The following ADGRL3 variants were observed in gnomAD, a reference collection of about 807,000 sequenced individuals.
The protein encoded by ADGRL3 is adhesion G protein-coupled receptor L3, also known as calcium-independent alpha-latrotoxin receptor 3.
In ADGRL3, 62 loss-of-function variants were observed where a neutral mutation model predicts 153.5. The ratio of observed to expected loss-of-function variants is 0.40; its 90% CI spans 0.33 to 0.50. ADGRL3 has a LOEUF of 0.50. ADGRL3 is among the 20% of genes least tolerant of loss of function. The pLI, the probability that ADGRL3 is intolerant of heterozygous loss-of-function variation, is 0.47. For missense variants in ADGRL3, 1,641 were observed against 1,859.4 expected (o/e 0.88, Z 2.16); for synonymous variants, 710 against 672.5 (o/e 1.06, Z -0.86).
intron 17 of ADGRL3, among the ~76,000 whole-genome samples, chr4:61,953,425 C>T (rs111941105): frequency 6.6e-6 from 1 of 152,288 alleles, no homozygotes; most frequent in African/African-American, 2.4e-5. Flanking sequence ...CATATGTGTT[C>T]AGTCAACATT....
chr4:62,058,944 A>T (rs917130375), intron 25 of ADGRL3, among the ~76,000 whole-genome samples: 3 of 152,156 alleles, frequency 2.0e-5, no homozygotes, highest in African/African-American at 7.2e-5. Flanking sequence ...AGCTACAGAG[A>T]AAAGACAAAA....
chr4:61,991,129 C>T (rs930005274), intron 19 of ADGRL3, among the ~76,000 whole-genome samples: 2 of 151,848 alleles, frequency 1.3e-5, no homozygotes, highest in African/African-American at 4.8e-5. Flanking sequence ...CTTATTATTA[C>T]TGGTACTATT....
intron 8 of ADGRL3, among the ~76,000 whole-genome samples, chr4:61,745,158 T>G (rs1053440047): frequency 4.6e-5 from 7 of 151,754 alleles, no homozygotes; most frequent in Non-Finnish European, 8.8e-5. Context: ...GAAGGGAAGT[T>G]TAGAGAAAAA....
intron 13 of ADGRL3, among the ~76,000 whole-genome samples, chr4:61,933,161 T>A (rs2098824706): frequency 1.3e-5 from 2 of 152,136 alleles, no homozygotes; most frequent in African/African-American, 4.8e-5. Context: ...ATGTGGGATT[T>A]TCAGAGCATT....
At chr4:61,754,608 A>G (rs1306849664) in intron 8 of ADGRL3, among the ~76,000 whole-genome samples, 2 of 147,858 alleles carry the variant, frequency 1.4e-5, no homozygotes, top group East Asian at 4.0e-4. Flanking sequence ...ATCTGAGTGT[A>G]TATATATATA....
In ADGRL3 at chr4:61,708,989, T is replaced by C. The variant is rs74599090; in HGVS notation, c.584-21633T>C. On this transcript the variant is annotated intron_variant, in intron 6 of 26. Transcript: ENST00000683033. Reference sequence around the variant, plus strand: ...CATGCCCGGCTGATTTCTGTATTTTTAGTAGAGACAATGTCTCACCATGTT... The same window carrying C: ...CATGCCCGGCTGATTTCTGTATTTTCAGTAGAGACAATGTCTCACCATGTT... 9.4e-3 allele frequency among the ~76,000 whole-genome samples: 1,426 copies of C among 152,014 alleles called. 30 individuals are homozygous for C. The highest frequency in any genetic ancestry group is 0.032 in the African/African-American group (1,334 of 41,450).
chr4:61,874,789 C>CTTTTTTTTTTT (rs11432355), intron 9 of ADGRL3, among the ~76,000 whole-genome samples: 8 of 61,518 alleles, frequency 1.3e-4, no homozygotes, highest in South Asian at 7.1e-4. Flanking sequence ...TCAAAATGCT[C>CTTTTTTTTTTT]TTTTTTTTTT....
intron 5 of ADGRL3, among the ~76,000 whole-genome samples, chr4:61,594,806 A>G (rs1342493564): frequency 1.3e-5 from 2 of 152,108 alleles, no homozygotes; most frequent in Non-Finnish European, 2.9e-5. Flanking sequence ...GCTGTCTGGG[A>G]GCCAAGGACT....
intron 6 of ADGRL3, among the ~76,000 whole-genome samples, chr4:61,724,712 G>C (rs1023923600): frequency 6.6e-6 from 1 of 152,158 alleles, no homozygotes; most frequent in Non-Finnish European, 1.5e-5. Context: ...GAAAGTGACA[G>C]ATGTCTGTCA....
At chr4:61,919,192 G>A (rs1480417742) in intron 13 of ADGRL3, among the ~76,000 whole-genome samples, 4 of 152,158 alleles carry the variant, frequency 2.6e-5, no homozygotes, top group Non-Finnish European at 5.9e-5. Flanking sequence ...TATATTAACT[G>A]CAGCAACAGG....
Position 61,501,157 on chromosome 4 carries a change from G to A in ADGRL3, c.55+3809G>A, listed in dbSNP as rs959551499. On this transcript the variant is annotated intron_variant, in intron 3 of 26. Coordinates refer to ENST00000683033, the MANE Select transcript of ADGRL3 (RefSeq NM_001387552.1). ...TGTAATCCTGTTTATCTGTCAACTG[G>A]TTAATAAATATCATTAATTTACCCA... Among the ~76,000 whole-genome samples the A allele has an allele frequency of 7.9e-5, 12 of 152,078 alleles. 1 individual carries two copies. The highest frequency in any genetic ancestry group is 5.9e-4 in the Admixed American group (9 of 15,252).
chr4:61,216,853 G>A (rs1743032223), intron 1 of ADGRL3, among the ~76,000 whole-genome samples: 1 of 152,136 alleles, frequency 6.6e-6, no homozygotes, highest in Non-Finnish European at 1.5e-5. Context: ...GTTATTGTGA[G>A]GATTAAATGA....
intron 4 of ADGRL3, among the ~76,000 whole-genome samples, chr4:61,574,252 ATG>A (rs1365685744): frequency 6.6e-6 from 1 of 151,906 alleles, no homozygotes; most frequent in Non-Finnish European, 1.5e-5. Flanking sequence ...ATCTGTGTAT[ATG>A]TGTGTGTGCT....
At chr4:61,801,056 G>A (rs1047876542) in intron 8 of ADGRL3, among the ~76,000 whole-genome samples, 5 of 152,134 alleles carry the variant, frequency 3.3e-5, no homozygotes, top group African/African-American at 1.2e-4. Flanking sequence ...CTAAGCAAAT[G>A]TTCAGTGGCA....
At chr4:61,546,858 A>G (rs1168188245) in intron 4 of ADGRL3, among the ~76,000 whole-genome samples, 2 of 152,234 alleles carry the variant, frequency 1.3e-5, no homozygotes, top group Non-Finnish European at 2.9e-5. Context: ...AGTTATTCAC[A>G]TCACTGATGA....
intron 9 of ADGRL3, among the ~76,000 whole-genome samples, chr4:61,858,626 C>T (rs2098306285): frequency 6.6e-6 from 1 of 151,976 alleles, no homozygotes; most frequent in African/African-American, 2.4e-5. Flanking sequence ...GTCTCAAAAA[C>T]AAAAAACAAA....
intron 1 of ADGRL3, among the ~76,000 whole-genome samples, chr4:61,219,434 G>A (rs1269453397): frequency 1.3e-5 from 2 of 152,148 alleles, no homozygotes; most frequent in African/African-American, 2.4e-5. Context: ...AAAGCCAGAT[G>A]TTGAAACTGC....
At chr4:61,867,515 C>CATATATATATACATATATATAT (rs2098408239) in intron 9 of ADGRL3, among the ~76,000 whole-genome samples, 1 of 81,140 alleles carries the variant, frequency 1.2e-5, no homozygotes, top group Non-Finnish European at 2.7e-5. Flanking sequence ...AATATATATG[C>CATATATATATACATATATATAT]ATATATATAT....
At chr4:61,625,957 G>T (rs751610726) in intron 5 of ADGRL3, among the ~76,000 whole-genome samples, 2 of 151,990 alleles carry the variant, frequency 1.3e-5, no homozygotes, top group Non-Finnish European at 2.9e-5. Context: ...TTAAGTGTCT[G>T]CAAGTGTGTA....
Sources: gnomAD v4.1 joint callset for allele counts (sites outside exome capture counted in the v4.1 genomes callset) on GRCh38, gnomAD v4.1.1 for gene constraint, MANE v1.5 for transcripts, NCBI Gene and HGNC (gene_info 2026-07-23, HGNC 2026-07-21) for gene names.